The following LHFPL2 variants were observed in gnomAD, a reference collection of about 807,000 sequenced individuals.
The protein encoded by LHFPL2 is LHFPL tetraspan subfamily member 2.
In LHFPL2, 7 loss-of-function variants were observed where a neutral mutation model predicts 17.5. That is an observed-to-expected ratio of 0.40 (90% CI 0.23 to 0.75). The LOEUF (loss-of-function observed/expected upper bound fraction) is 0.75. LHFPL2 is among the 30% of genes least tolerant of loss of function. The pLI, the probability that LHFPL2 is intolerant of heterozygous loss-of-function variation, is 0.37. For missense variants in LHFPL2, 241 were observed against 294.8 expected, an observed-to-expected ratio of 0.82 and a Z score of 1.34; for synonymous variants, 134 against 116.2, an observed-to-expected ratio of 1.15 and a Z score of -0.99.
At chr5:78,575,447 GC>G (rs1225754494) in intron 2 of LHFPL2, among the ~76,000 whole-genome samples, 3 of 152,276 alleles carry the variant, frequency 2.0e-5, no homozygotes, top group Admixed American at 2.0e-4. Flanking sequence ...TACTCGGGAG[GC>G]TGAGGCAGGA....
At chr5:78,565,003 A>G (rs905150133) in intron 2 of LHFPL2, 132 bp from the exon 3 acceptor site, 4 of 152,272 alleles carry the variant, frequency 2.6e-5, no homozygotes, top group Non-Finnish European at 4.4e-5. Flanking sequence ...CACACAGCTC[A>G]ACTTGCATTA....
intron 3 of LHFPL2, among the ~76,000 whole-genome samples, chr5:78,548,755 G>T (rs1216821763): frequency 6.6e-6 from 1 of 151,984 alleles, no homozygotes; most frequent in Non-Finnish European, 1.5e-5. Flanking sequence ...ACGCACCCTG[G>T]GATTAAATGC....
At chr5:78,514,274 T>C (rs1029006672) in intron 3 of LHFPL2, among the ~76,000 whole-genome samples, 1 of 151,590 alleles carries the variant, frequency 6.6e-6, no homozygotes, top group Non-Finnish European at 1.5e-5. Flanking sequence ...ACATCCCAGG[T>C]GATTGTGGAT....
rs953761818 is a variant in LHFPL2, at chr5:78,644,215, A to G, written c.-350+4284T>C. On this transcript the variant is annotated intron_variant, in intron 1 of 4. Coordinates refer to ENST00000380345, the MANE Select transcript of LHFPL2 (RefSeq NM_005779.3). ...TCTTTAAAAGAAGTGAAATGCATACAGGGAGTTGAAATGCTTTATAGATAA... is the reference window on the plus strand; with the variant it reads ...TCTTTAAAAGAAGTGAAATGCATACGGGGAGTTGAAATGCTTTATAGATAA... 11 of 636,626 alleles carry G rather than the reference A, an allele frequency of 1.7e-5. No homozygotes were observed. The African/African-American group carries it at 1.9e-4, about 11-fold the overall frequency. 39.4% of individuals were successfully genotyped at this position (636,626 alleles called of 1,614,324 possible).
rs1754314527 is a variant in LHFPL2 at position 78,488,176 on chromosome 5, A to G, written c.*721T>C. 1.3e-5 allele frequency: 2 copies of G among 152,304 alleles called. No individual in the cohort carries two copies. The highest frequency in any genetic ancestry group is 1.3e-4 in the Admixed American group (2 of 15,288). 9.4% of individuals were successfully genotyped at this position (152,304 alleles called of 1,614,324 possible). A position where few individuals can be genotyped will look rare whatever the true frequency, so the allele number is the denominator to read the frequency against. On this transcript the variant is annotated 3_prime_UTR_variant, in exon 5 of 5. Transcript: ENST00000380345. Reference sequence around the variant, plus strand: ...CTAGCCTGGCTGCTGGGAAGAAGAAAAAATACGTCTTCACTAGCAAGATTT... The same window carrying G: ...CTAGCCTGGCTGCTGGGAAGAAGAAGAAATACGTCTTCACTAGCAAGATTT...
At chr5:78,502,406 C>T (rs997588403) in intron 4 of LHFPL2, among the ~76,000 whole-genome samples, 5 of 152,224 alleles carry the variant, frequency 3.3e-5, no homozygotes, top group Admixed American at 2.0e-4. Context: ...AAAGCCTTAA[C>T]TCTAGAACGT....
chr5:78,632,167 G>A (rs1745276884), intron 2 of LHFPL2, 97 bp downstream of exon 2: 1 of 152,162 alleles, frequency 6.6e-6, no homozygotes, highest in Admixed American at 6.5e-5. Flanking sequence ...TCTTAGAGAA[G>A]ATGCTGCCCC....
At chr5:78,595,686 A>T (rs1366182204) in intron 2 of LHFPL2, among the ~76,000 whole-genome samples, 1 of 152,000 alleles carries the variant, frequency 6.6e-6, no homozygotes, top group African/African-American at 2.4e-5. Context: ...TAATTTTTTA[A>T]AATTTTTTTT....
chr5:78,511,105 GAAAA>G (rs11323839), intron 3 of LHFPL2, among the ~76,000 whole-genome samples: 2 of 148,862 alleles, frequency 1.3e-5, no homozygotes, highest in South Asian at 2.1e-4. Context: ...ACTCAGAGGG[GAAAA>G]AAAAAAAACC....
intron 2 of LHFPL2, among the ~76,000 whole-genome samples, chr5:78,621,724 T>C (rs904145082): frequency 6.6e-6 from 1 of 152,088 alleles, no homozygotes; most frequent in Admixed American, 6.6e-5. Context: ...ATTCCCTCAG[T>C]GAAATAAATT....
At chr5:78,540,491 T>C (rs1018304037) in intron 3 of LHFPL2, among the ~76,000 whole-genome samples, 2 of 152,240 alleles carry the variant, frequency 1.3e-5, no homozygotes, top group African/African-American at 4.8e-5. Flanking sequence ...CCATCCTTTT[T>C]AGGAACCACC....
intron 2 of LHFPL2, among the ~76,000 whole-genome samples, chr5:78,615,240 G>A (rs1317210465): frequency 6.6e-6 from 1 of 152,100 alleles, no homozygotes; most frequent in Non-Finnish European, 1.5e-5. Context: ...AGAAGCGAGA[G>A]TCCTGTCCCA....
At chr5:78,558,464 T>C (rs954232763) in intron 3 of LHFPL2, among the ~76,000 whole-genome samples, 1 of 152,198 alleles carries the variant, frequency 6.6e-6, no homozygotes, top group African/African-American at 2.4e-5. Context: ...GCTGGGAGAT[T>C]TGCATATAGC....
rs1402318944 is a variant in LHFPL2 at position 78,585,208 on chromosome 5, G to A, written c.-244-20337C>T. 5.3e-5 allele frequency among the ~76,000 whole-genome samples: 5 copies of A among 94,738 alleles called. 2 individuals carry two copies. Among genetic ancestry groups the A allele is most frequent in the Admixed American group, 3.0e-4 (3 of 10,102 alleles). 62.2% of individuals were successfully genotyped at this position (94,738 alleles called of 152,430 possible). ...TTTTTAGTAGAGACGGGGTTTCACCGTTTTTAGCCGGGATGGTCTCGATAT... is the reference window on the plus strand; with the variant it reads ...TTTTTAGTAGAGACGGGGTTTCACCATTTTTAGCCGGGATGGTCTCGATAT... On this transcript the variant is annotated intron_variant, in intron 2 of 4. Coordinates refer to ENST00000380345, the MANE Select transcript of LHFPL2 (RefSeq NM_005779.3).
intron 3 of LHFPL2, among the ~76,000 whole-genome samples, chr5:78,554,321 G>T (rs148487129): frequency 6.6e-6 from 1 of 152,252 alleles, no homozygotes; most frequent in Admixed American, 6.5e-5. Flanking sequence ...CTCAGAAGTG[G>T]TTAGTTAACG....
At chr5:78,501,134 T>C (rs1754759685) in intron 4 of LHFPL2, among the ~76,000 whole-genome samples, 1 of 152,192 alleles carries the variant, frequency 6.6e-6, no homozygotes, top group Non-Finnish European at 1.5e-5. Flanking sequence ...TTCTGGACTT[T>C]ACAGTCCAGA....
At chr5:78,614,862 G>C (rs1191663152) in intron 2 of LHFPL2, among the ~76,000 whole-genome samples, 1 of 152,206 alleles carries the variant, frequency 6.6e-6, no homozygotes, top group Admixed American at 6.5e-5. Context: ...CCAATTTACA[G>C]ATGAGGAACT....
At chr5:78,557,099 T>C (rs1338021848) in intron 3 of LHFPL2, among the ~76,000 whole-genome samples, 1 of 152,068 alleles carries the variant, frequency 6.6e-6, no homozygotes, top group East Asian at 1.9e-4. Flanking sequence ...GCTTCAAGAG[T>C]ATACCAGTGT....
chr5:78,621,616 C>A (rs944452075), intron 2 of LHFPL2, among the ~76,000 whole-genome samples: 2 of 152,164 alleles, frequency 1.3e-5, no homozygotes, highest in Non-Finnish European at 2.9e-5. Flanking sequence ...TCTTCCACCA[C>A]AAATTTGTAA....
Sources: allele counts gnomAD v4.1 joint callset (sites outside exome capture counted in the v4.1 genomes callset), GRCh38; gene constraint gnomAD v4.1.1; transcripts MANE v1.5; gene names NCBI Gene and HGNC (gene_info 2026-07-23, HGNC 2026-07-21).